Variants in ERC2 observed in about 807,000 individuals in gnomAD.
ERC2 encodes the protein ERC protein 2.
A neutral mutation model predicts 114.8 loss-of-function variants in ERC2; 42 were observed. The ratio of observed to expected loss-of-function variants is 0.37; its 90% CI spans 0.29 to 0.47. The LOEUF (loss-of-function observed/expected upper bound fraction) is 0.47, where lower values mean the gene tolerates loss of function less well. Ranked by LOEUF, ERC2 falls within the 20% of genes least tolerant of loss-of-function variation. ERC2 has a pLI of 0.99. For synonymous variants in ERC2, 454 were observed against 425.5 expected (o/e 1.07, Z -0.82); for missense variants, 939 against 1,150.7 (o/e 0.82, Z 2.66).
At chr3:56,066,329 G>A (rs1171665285) in intron 7 of ERC2, among the ~76,000 whole-genome samples, 8 of 152,104 alleles carry the variant, frequency 5.3e-5, no homozygotes, top group African/African-American at 1.7e-4. Flanking sequence ...TTTTCTTCAT[G>A]TGTTTGTTGG....
chr3:55,832,902 G>A (rs1222056600), intron 14 of ERC2, among the ~76,000 whole-genome samples: 2 of 152,098 alleles, frequency 1.3e-5, no homozygotes, highest in African/African-American at 4.8e-5. Context: ...CCAATACAGA[G>A]AAGTGCTTAA....
chr3:55,788,868 G>C (rs1228091091), intron 14 of ERC2, among the ~76,000 whole-genome samples: 1 of 152,124 alleles, frequency 6.6e-6, no homozygotes, highest in Non-Finnish European at 1.5e-5. Flanking sequence ...TTCACAAAGT[G>C]CTCATACATG....
chr3:56,005,287 G>C (rs1283437802), intron 10 of ERC2, among the ~76,000 whole-genome samples: 1 of 151,986 alleles, frequency 6.6e-6, no homozygotes, highest in Non-Finnish European at 1.5e-5. Flanking sequence ...TGACGTGGTA[G>C]AATGTTAAAA....
chr3:55,521,928 G>A (rs1210373869), intron 17 of ERC2, among the ~76,000 whole-genome samples: 1 of 152,192 alleles, frequency 6.6e-6, no homozygotes, highest in African/African-American at 2.4e-5. Context: ...AGTTCAATGT[G>A]TTTTTGTTTA....
At chr3:56,264,100 C>T (rs911329422) in intron 3 of ERC2, among the ~76,000 whole-genome samples, 2 of 152,166 alleles carry the variant, frequency 1.3e-5, no homozygotes, top group African/African-American at 4.8e-5. Flanking sequence ...CAAAGTTTAA[C>T]ATCCTTTCAT....
chr3:56,248,537 C>T (rs188049079), intron 3 of ERC2, among the ~76,000 whole-genome samples: 109 of 152,314 alleles, frequency 7.2e-4, no homozygotes, highest in Middle Eastern at 3.4e-3. Context: ...TGATTTGTTA[C>T]TCTTTATCTC....
At chr3:56,316,686 A>T (rs950486727) in intron 2 of ERC2, among the ~76,000 whole-genome samples, 28 of 152,172 alleles carry the variant, frequency 1.8e-4, no homozygotes, top group African/African-American at 6.5e-4. Context: ...AGTAAAAATA[A>T]CTATTATGCT....
intron 2 of ERC2, among the ~76,000 whole-genome samples, chr3:56,347,593 C>A (rs191663525): frequency 6.6e-6 from 1 of 152,028 alleles, no homozygotes; most frequent in Non-Finnish European, 1.5e-5. Context: ...GCCTTAAAGA[C>A]CCCCAATCCC....
chr3:55,823,982 T>C (rs2060228765), intron 14 of ERC2, among the ~76,000 whole-genome samples: 1 of 152,206 alleles, frequency 6.6e-6, no homozygotes, highest in East Asian at 1.9e-4. Context: ...CTCTCTCCTT[T>C]GGCTTGCAGA....
At chr3:55,546,084 C>T (rs1422933328) in intron 17 of ERC2, among the ~76,000 whole-genome samples, 1 of 152,150 alleles carries the variant, frequency 6.6e-6, no homozygotes, top group Non-Finnish European at 1.5e-5. Context: ...ATGGGATAAG[C>T]TAGGAAAAGC....
intron 14 of ERC2, among the ~76,000 whole-genome samples, chr3:55,881,077 A>C (rs2063098201): frequency 6.6e-6 from 1 of 152,230 alleles, no homozygotes; most frequent in Admixed American, 6.5e-5. Context: ...CCAAATTGCT[A>C]GGCACTTAGG....
intron 4 of ERC2, among the ~76,000 whole-genome samples, chr3:56,167,144 C>T (rs1367097594): frequency 6.6e-6 from 1 of 152,134 alleles, no homozygotes; most frequent in Admixed American, 6.6e-5. Flanking sequence ...CTCCAAAAAG[C>T]ATTCTGTCTT....
intron 12 of ERC2, among the ~76,000 whole-genome samples, chr3:55,961,865 A>AAAC (rs1201661173): frequency 6.6e-6 from 1 of 150,972 alleles, no homozygotes; most frequent in African/African-American, 2.4e-5. Flanking sequence ...AAAAAAAAAA[A>AAAC]AAAGCCACAA....
intron 7 of ERC2, among the ~76,000 whole-genome samples, chr3:56,059,801 A>G (rs2076174719): frequency 1.3e-5 from 2 of 152,212 alleles, no homozygotes; most frequent in Non-Finnish European, 1.5e-5. Flanking sequence ...TCTTTTAGCT[A>G]TTGTACAACT....
chr3:55,621,155 C>T (rs992300473), intron 17 of ERC2, among the ~76,000 whole-genome samples: 1 of 147,348 alleles, frequency 6.8e-6, no homozygotes. Context: ...ACTCTAACTG[C>T]CCCCCCTCCA....
intron 12 of ERC2, among the ~76,000 whole-genome samples, chr3:55,953,037 C>G (rs2067692186): frequency 6.6e-6 from 1 of 151,830 alleles, no homozygotes; most frequent in African/African-American, 2.4e-5. Flanking sequence ...ACTAAAAATA[C>G]AAACAAACAA....
At chr3:55,529,926 T>C (rs1483276088) in intron 17 of ERC2, among the ~76,000 whole-genome samples, 1 of 152,194 alleles carries the variant, frequency 6.6e-6, no homozygotes, top group East Asian at 1.9e-4. Context: ...TCTGGAAGAC[T>C]TTTTCTTCAC....
chr3:56,165,471 T>TC (rs1310586900), intron 4 of ERC2, among the ~76,000 whole-genome samples: 1 of 84,198 alleles, frequency 1.2e-5, no homozygotes, highest in Non-Finnish European at 2.6e-5. Flanking sequence ...CCCTCCCCCC[T>TC]CCCCCCTGCA....
intron 4 of ERC2, among the ~76,000 whole-genome samples, chr3:56,171,539 G>T (rs981995133): frequency 7.9e-5 from 12 of 152,120 alleles, no homozygotes; most frequent in Admixed American, 2.6e-4. Flanking sequence ...AGCAACACTG[G>T]CATCCATGAA....
Sources: gnomAD v4.1 joint callset for allele counts (sites outside exome capture counted in the v4.1 genomes callset) on GRCh38, gnomAD v4.1.1 for gene constraint, MANE v1.5 for transcripts, NCBI Gene and HGNC (gene_info 2026-07-23, HGNC 2026-07-21) for gene names.